MRPS6: variants seen among roughly 807,000 people sequenced by gnomAD.
The protein encoded by MRPS6 is small ribosomal subunit protein bS6m.
In MRPS6, 6 loss-of-function variants were observed where a neutral mutation model predicts 13.1. That is an observed-to-expected ratio of 0.46 (90% CI 0.25 to 0.91). The LOEUF (loss-of-function observed/expected upper bound fraction) is 0.91. MRPS6 is among the 40% of genes least tolerant of loss of function. The probability of loss-of-function intolerance (pLI) is 0.18; values close to 1 mark genes in which losing one functional copy is unlikely to be tolerated. For synonymous variants in MRPS6, 61 were observed against 56.5 expected (o/e 1.08, Z -0.36); for missense variants, 164 against 155.6 (o/e 1.05, Z -0.29).
intron 2 of MRPS6, among the ~76,000 whole-genome samples, chr21:34,131,454 C>T (rs1980499807): frequency 6.6e-6 from 1 of 152,164 alleles, no homozygotes; most frequent in Non-Finnish European, 1.5e-5. Context: ...TTCCCTTGAA[C>T]AGCAGCTCCT....
chr21:34,100,441 TTTAGA>T lies in MRPS6; in HGVS notation c.46-24894_46-24890del, dbSNP rs954915389. 9.3e-5 allele frequency: 93 copies of T among 1,000,124 alleles called. No individual in the cohort carries two copies. In the African/African-American group the frequency reaches 1.6e-3, roughly 17 times the overall value. 62.0% of individuals were successfully genotyped at this position (1,000,124 alleles called of 1,614,324 possible). A position where few individuals can be genotyped will look rare whatever the true frequency, so the allele number is the denominator to read the frequency against. On this transcript the variant is annotated intron_variant, in intron 1 of 2. Transcript: ENST00000399312. ...TTCCTGGGGGTAATTATGCTTTGTC[TTTAGA>T]TTAGAGAAGCATCAAGCAATAGCAA...
At chr21:34,121,597 G>C (rs1455784504) in intron 1 of MRPS6, among the ~76,000 whole-genome samples, 2 of 152,096 alleles carry the variant, frequency 1.3e-5, no homozygotes, top group African/African-American at 4.8e-5. Flanking sequence ...AGAGTTGAAG[G>C]AGTTGCTTTC....
intron 1 of MRPS6, among the ~76,000 whole-genome samples, chr21:34,079,295 A>G (rs900306334): frequency 1.3e-5 from 2 of 152,174 alleles, no homozygotes. Flanking sequence ...TCTTTTGTTT[A>G]TATTTATTAT....
At chr21:34,091,454 C>T (rs1485970298) in intron 1 of MRPS6, among the ~76,000 whole-genome samples, 1 of 152,098 alleles carries the variant, frequency 6.6e-6, no homozygotes, top group Non-Finnish European at 1.5e-5. Context: ...TATATGGTCA[C>T]CCAGACAGTA....
At position 34,100,299 on chromosome 21, in the gene MRPS6, A is replaced by G. The variant is rs1979174578; in HGVS notation, c.46-25042A>G. On this transcript the variant is annotated intron_variant, in intron 1 of 2. Transcript: ENST00000399312. ...AGGGCATATTACATTGGTATGCAGG[A>G]TGATTATTGCATATTTTGTGGGACC... 3 of 1,000,216 alleles carry G rather than the reference A, an allele frequency of 3.0e-6. No individual in the cohort carries two copies. The South Asian group carries it at 1.4e-4, about 47-fold the overall frequency. 62.0% of individuals were successfully genotyped at this position (1,000,216 alleles called of 1,614,324 possible).
At chr21:34,094,442 T>C (rs1011900832) in intron 1 of MRPS6, among the ~76,000 whole-genome samples, 10 of 152,166 alleles carry the variant, frequency 6.6e-5, no homozygotes, top group Non-Finnish European at 1.5e-4. Flanking sequence ...CCCCAAACTC[T>C]CTTAGGATTC....
intron 1 of MRPS6, among the ~76,000 whole-genome samples, chr21:34,083,987 A>G (rs563673127): frequency 4.6e-5 from 7 of 152,300 alleles, no homozygotes; most frequent in African/African-American, 1.4e-4. Context: ...TGTGTTTGCA[A>G]TGCAAGAGGA....
intron 2 of MRPS6, among the ~76,000 whole-genome samples, chr21:34,127,577 ATG>A (rs921274250): frequency 1.3e-5 from 2 of 152,236 alleles, no homozygotes; most frequent in African/African-American, 4.8e-5. Context: ...CTTTTGGGAA[ATG>A]AGGATGTGAG....
chr21:34,095,453 T>A, intron 1 of MRPS6: 1 of 1,614,150 alleles, frequency 6.2e-7, no homozygotes, highest in Non-Finnish European at 8.5e-7. Context: ...GGGAATTCAA[T>A]GCCTTACTGC....
intron 1 of MRPS6, chr21:34,102,797 G>A (rs1979307238): frequency 3.0e-6 from 3 of 999,966 alleles, no homozygotes; most frequent in Non-Finnish European, 3.6e-6. Context: ...TAACATAATT[G>A]TTGTCCATGA....
At chr21:34,085,803 C>T (rs778869687) in intron 1 of MRPS6, among the ~76,000 whole-genome samples, 1 of 152,060 alleles carries the variant, frequency 6.6e-6, no homozygotes, top group Non-Finnish European at 1.5e-5. Flanking sequence ...GGGGTTTCAC[C>T]GTGTTAGCTA....
At chr21:34,107,949 G>C (rs1979545187) in intron 1 of MRPS6, among the ~76,000 whole-genome samples, 1 of 152,108 alleles carries the variant, frequency 6.6e-6, no homozygotes, top group African/African-American at 2.4e-5. Context: ...CATGACTTCT[G>C]GGCCCTTTCA....
At chr21:34,128,256 A>G (rs1412282705) in intron 2 of MRPS6, among the ~76,000 whole-genome samples, 1 of 152,182 alleles carries the variant, frequency 6.6e-6, no homozygotes, top group African/African-American at 2.4e-5. Context: ...AGTGCCCAGC[A>G]CAGCAGGAGT....
At chr21:34,085,897 C>T (rs1388362915) in intron 1 of MRPS6, among the ~76,000 whole-genome samples, 5 of 152,226 alleles carry the variant, frequency 3.3e-5, no homozygotes, top group South Asian at 2.1e-4. Flanking sequence ...CCACTGCGCC[C>T]GGCCAGAAAT....
intron 1 of MRPS6, chr21:34,104,211 T>C: frequency 1.0e-6 from 1 of 1,000,118 alleles, no homozygotes; most frequent in South Asian, 4.7e-5. Flanking sequence ...TTCTGAAGCA[T>C]ATTTGCTAGA....
intron 2 of MRPS6, chr21:34,135,354 T>G: frequency 1.2e-5 from 2 of 163,830 alleles, no homozygotes; most frequent in Admixed American, 1.3e-4. Flanking sequence ...CGGTTTTTTT[T>G]TTTTTTTTTT....
chr21:34,140,665 G>C (rs896556776), intron 2 of MRPS6, among the ~76,000 whole-genome samples: 2 of 152,204 alleles, frequency 1.3e-5, no homozygotes, highest in Admixed American at 6.5e-5. Flanking sequence ...AATGTTAAAA[G>C]ACTTCAGCTG....
chr21:34,098,777 G>A (rs1170885500), intron 1 of MRPS6: 1 of 1,000,098 alleles, frequency 1.0e-6, no homozygotes, highest in East Asian at 1.1e-4. Flanking sequence ...TACAAAAGAT[G>A]TTAGAGAAAA....
intron 1 of MRPS6, among the ~76,000 whole-genome samples, chr21:34,108,590 G>C (rs1979576065): frequency 6.6e-6 from 1 of 152,114 alleles, no homozygotes; most frequent in African/African-American, 2.4e-5. Flanking sequence ...CCTTCCCTCG[G>C]TGTTTGTATT....
Sources: allele counts gnomAD v4.1 joint callset (sites outside exome capture counted in the v4.1 genomes callset), GRCh38; gene constraint gnomAD v4.1.1; transcripts MANE v1.5; gene names NCBI Gene and HGNC (gene_info 2026-07-23, HGNC 2026-07-21).